Variants in PCDH15 observed in about 807,000 individuals in gnomAD.
The protein encoded by PCDH15 is protocadherin related 15.
In PCDH15, 129 loss-of-function variants were observed where a neutral mutation model predicts 178.5. The observed-to-expected ratio is 0.72, with a 90% CI of 0.63 to 0.84. PCDH15 has a LOEUF of 0.84. Among genes scored for constraint, PCDH15 ranks in the 40% least tolerant of loss-of-function variants. The pLI is 0.00. For synonymous variants in PCDH15, 800 were observed against 732.0 expected, an observed-to-expected ratio of 1.09 and a Z score of -1.50; for missense variants, 2,230 against 2,099.9, an observed-to-expected ratio of 1.06 and a Z score of -1.21.
At chr10:53,896,274 T>C (rs2081943800) in intron 26 of PCDH15, among the ~76,000 whole-genome samples, 1 of 152,144 alleles carries the variant, frequency 6.6e-6, no homozygotes, top group South Asian at 2.1e-4. Flanking sequence ...AAACAAAAAG[T>C]TAATGTTCAA....
chr10:55,021,820 G>A (rs1840336701), intron 2 of PCDH15, among the ~76,000 whole-genome samples: 1 of 151,778 alleles, frequency 6.6e-6, no homozygotes, highest in South Asian at 2.1e-4. Flanking sequence ...GTAATAAATG[G>A]GTCTGCATAT....
chr10:54,560,631 A>T (rs1031398186), intron 2 of PCDH15, among the ~76,000 whole-genome samples: 1 of 152,082 alleles, frequency 6.6e-6, no homozygotes, highest in African/African-American at 2.4e-5. Flanking sequence ...TTCAATAATC[A>T]TGTATAAAGG....
intron 26 of PCDH15, among the ~76,000 whole-genome samples, chr10:53,882,948 A>T (rs1210531826): frequency 1.3e-5 from 2 of 152,166 alleles, no homozygotes; most frequent in African/African-American, 2.4e-5. Flanking sequence ...ATGCAAATGG[A>T]CCAAGGAATA....
At chr10:55,143,868 A>AT in intron 2 of PCDH15, among the ~76,000 whole-genome samples, 1 of 152,248 alleles carries the variant, frequency 6.6e-6, no homozygotes, top group Non-Finnish European at 1.5e-5. Flanking sequence ...AATTAATTCA[A>AT]TGTACTTGCC....
chr10:54,106,556 C>T (rs1456832204), intron 15 of PCDH15, among the ~76,000 whole-genome samples: 1 of 152,080 alleles, frequency 6.6e-6, no homozygotes, highest in Non-Finnish European at 1.5e-5. Flanking sequence ...CAAGAAACAG[C>T]TAAATAGAAT....
chr10:54,867,686 T>C (rs1953964753), intron 3 of PCDH15, among the ~76,000 whole-genome samples: 1 of 152,060 alleles, frequency 6.6e-6, no homozygotes, highest in African/African-American at 2.4e-5. Flanking sequence ...TATATTACAA[T>C]ATTGCAATTA....
At chr10:55,386,014 C>T (rs1837651446) in intron 2 of PCDH15, among the ~76,000 whole-genome samples, 2 of 151,552 alleles carry the variant, frequency 1.3e-5, no homozygotes, top group African/African-American at 4.8e-5. Flanking sequence ...TTAACAATGA[C>T]AGTGAATATA....
intron 13 of PCDH15, among the ~76,000 whole-genome samples, chr10:54,158,811 T>A (rs1391629629): frequency 6.6e-6 from 1 of 152,116 alleles, no homozygotes; most frequent in Non-Finnish European, 1.5e-5. Flanking sequence ...TATTTTTTAT[T>A]AGAAGTGAAT....
At chr10:53,927,071 G>A (rs2084626135) in intron 25 of PCDH15, among the ~76,000 whole-genome samples, 1 of 151,948 alleles carries the variant, frequency 6.6e-6, no homozygotes, top group African/African-American at 2.4e-5. Flanking sequence ...AAAAATAAAG[G>A]GAACAGAGTT....
intron 2 of PCDH15, among the ~76,000 whole-genome samples, chr10:54,908,027 G>C (rs1288191499): frequency 6.6e-6 from 1 of 152,180 alleles, no homozygotes; most frequent in Non-Finnish European, 1.5e-5. Flanking sequence ...ACAGGCTACA[G>C]AGACATTGTT....
intron 1 of PCDH15, among the ~76,000 whole-genome samples, chr10:54,785,162 T>TC (rs1227354384): frequency 6.6e-6 from 1 of 152,014 alleles, no homozygotes; most frequent in African/African-American, 2.4e-5. Context: ...AAAATGCCTT[T>TC]CTTTTTTACT....
intron 21 of PCDH15, among the ~76,000 whole-genome samples, chr10:53,992,552 A>G (rs1589808173): frequency 6.6e-6 from 1 of 152,250 alleles, no homozygotes; most frequent in Non-Finnish European, 1.5e-5. Context: ...CCATGTTCAC[A>G]TACTCACAAA....
At position 55,055,372 on chromosome 10, in the gene PCDH15, A is replaced by G. The variant is rs754674982; in HGVS notation, c.-80+111204T>C. ...GCAGAAGAAACAAACCCTGAATGAT[A>G]TTAGTCACTAGACAACTGAGCAAGC... On this transcript the variant is annotated intron_variant, in intron 2 of 5. Transcript: ENST00000458638. Among the ~76,000 whole-genome samples, 23 of 152,204 alleles carry G rather than the reference A, an allele frequency of 1.5e-4. 1 individual carries two copies. Among genetic ancestry groups the G allele is most frequent in the Non-Finnish European group, 7.3e-5 (5 of 68,030 alleles).
At chr10:55,381,468 T>A (rs373271336) in intron 2 of PCDH15, among the ~76,000 whole-genome samples, 24 of 152,188 alleles carry the variant, frequency 1.6e-4, no homozygotes, top group African/African-American at 5.1e-4. Context: ...ACAAGATATG[T>A]CCCCAAGAGA....
Position 55,255,713 on chromosome 10 carries a change from G to T in PCDH15, c.-156+63886C>A, listed in dbSNP as rs555435009. Among the ~76,000 whole-genome samples, 18 of 152,256 alleles carry T rather than the reference G, an allele frequency of 1.2e-4. No individual in the cohort carries two copies. In the South Asian group the frequency reaches 3.3e-3, roughly 28 times the overall value. ...TTTCTCTGATGGCCAGTGATGATGA[G>T]CATTTCTTCATGTGTCTTTTGGCTG... is the stretch of plus-strand genomic sequence containing the variant. On this transcript the variant is annotated intron_variant, in intron 1 of 5. Coordinates refer to the PCDH15 transcript ENST00000458638.
intron 20 of PCDH15, among the ~76,000 whole-genome samples, chr10:54,016,737 GAC>G (rs2092753205): frequency 6.6e-6 from 1 of 152,150 alleles, no homozygotes; most frequent in African/African-American, 2.4e-5. Context: ...CTTGAGGGTG[GAC>G]AGATGGAGGA....
At chr10:55,041,796 T>G (rs1840868260) in intron 2 of PCDH15, among the ~76,000 whole-genome samples, 1 of 152,178 alleles carries the variant, frequency 6.6e-6, no homozygotes, top group Admixed American at 6.5e-5. Flanking sequence ...ATAAACTTTT[T>G]TAGAAAACCA....
intron 2 of PCDH15, among the ~76,000 whole-genome samples, chr10:55,047,885 T>TA (rs1438569013): frequency 2.6e-5 from 4 of 151,832 alleles, no homozygotes; most frequent in Non-Finnish European, 5.9e-5. Context: ...ATATTGGAAA[T>TA]AAAAATGTGG....
chr10:54,752,804 C>CT (rs1451600203), intron 1 of PCDH15, among the ~76,000 whole-genome samples: 2 of 151,854 alleles, frequency 1.3e-5, no homozygotes, highest in East Asian at 1.9e-4. Context: ...CACCTTTCCC[C>CT]CCTTGTTATC....
Sources: allele counts gnomAD v4.1 joint callset (sites outside exome capture counted in the v4.1 genomes callset), GRCh38; gene constraint gnomAD v4.1.1; transcripts MANE v1.5; gene names NCBI Gene and HGNC (gene_info 2026-07-23, HGNC 2026-07-21).